UBAC2: variants seen among roughly 807,000 people sequenced by gnomAD.
UBAC2 encodes the protein ubiquitin-associated domain-containing protein 2.
Under a neutral mutation model 44.0 loss-of-function variants are expected in UBAC2, and 26 were observed. That is an observed-to-expected ratio of 0.59 (90% CI 0.43 to 0.82). UBAC2 has a LOEUF of 0.82. Ranked by LOEUF, UBAC2 falls within the 40% of genes least tolerant of loss-of-function variation. UBAC2 has a pLI of 0.00. For missense variants in UBAC2, 329 were observed against 419.4 expected (o/e 0.78, Z 1.88); for synonymous variants, 155 against 154.3 (o/e 1.00, Z -0.04).
At position 99,286,426 on chromosome 13, in the gene UBAC2, A is replaced by G. The variant is rs142113843; in HGVS notation, c.390-27671A>G. 6.8e-4 allele frequency among the ~76,000 whole-genome samples: 104 copies of G among 152,208 alleles called. 1 individual carries two copies. The highest frequency in any genetic ancestry group is 2.2e-3 in the African/African-American group (93 of 41,542). ...TTCATGTGGCTTTCTGGTATAACCT[A>G]TTCTTTGCTGGTGACTTTGTTACCA... On this transcript the variant is annotated intron_variant, in intron 4 of 8. Transcript: ENST00000403766.
rs1227746386 is a variant in UBAC2, at chr13:99,386,001, G to A, written c.*666G>A. The stretch of plus-strand genomic sequence containing the variant: ...TCCAGAGTTAGCCACTAGGCTGCGG[G>A]TGAAATGGGATGGAGAAGAACAACA... On this transcript the variant is annotated 3_prime_UTR_variant, in exon 9 of 9. Coordinates refer to ENST00000403766, the MANE Select transcript of UBAC2 (RefSeq NM_001144072.2). The A allele has an allele frequency of 6.6e-6, 1 of 152,586 alleles. No individual in the cohort carries two copies. Among genetic ancestry groups the A allele is most frequent in the Non-Finnish European group, 1.5e-5 (1 of 68,176 alleles). The allele number at this position is 152,586 out of a possible 1,614,324, so 9.5% of individuals were successfully genotyped here.
chr13:99,201,005 G>A (rs1474663820), intron 1 of UBAC2, 66 bp downstream of exon 1: 2 of 1,296,090 alleles, frequency 1.5e-6, no homozygotes, highest in East Asian at 5.8e-5. Flanking sequence ...CTTTGAGGAG[G>A]CTGGGGCAGC....
At chr13:99,226,427 C>G (rs1243702623) in intron 1 of UBAC2, among the ~76,000 whole-genome samples, 3 of 152,210 alleles carry the variant, frequency 2.0e-5, no homozygotes, top group African/African-American at 7.2e-5. Flanking sequence ...CACCTCCACC[C>G]TGCTGGTTTG....
At chr13:99,343,693 C>T (rs1454806126) in intron 7 of UBAC2, among the ~76,000 whole-genome samples, 2 of 152,200 alleles carry the variant, frequency 1.3e-5, no homozygotes, top group Non-Finnish European at 2.9e-5. Flanking sequence ...TTCTAGGGTC[C>T]GCACATGGGT....
chr13:99,275,051 A>G (rs184000534), intron 4 of UBAC2, among the ~76,000 whole-genome samples: 8 of 152,300 alleles, frequency 5.3e-5, no homozygotes, highest in African/African-American at 7.2e-5. Context: ...TGTTGCATAT[A>G]TGTATGCATT....
intron 1 of UBAC2, among the ~76,000 whole-genome samples, chr13:99,228,513 C>CA (rs933469998): frequency 1.3e-5 from 2 of 152,106 alleles, no homozygotes; most frequent in African/African-American, 2.4e-5. Flanking sequence ...AGGCTAGTCT[C>CA]AAACTCCTGA....
intron 6 of UBAC2, among the ~76,000 whole-genome samples, chr13:99,325,463 C>A (rs1313482875): frequency 1.3e-5 from 2 of 152,112 alleles, no homozygotes; most frequent in African/African-American, 4.8e-5. Flanking sequence ...CCAACTATAT[C>A]CCCTATTTCA....
At chr13:99,350,794 A>C (rs2045073159) in intron 7 of UBAC2, among the ~76,000 whole-genome samples, 1 of 152,254 alleles carries the variant, frequency 6.6e-6, no homozygotes, top group African/African-American at 2.4e-5. Context: ...GGCGATTGCC[A>C]TCTGAAGTAG....
intron 4 of UBAC2, chr13:99,255,960 G>T: frequency 1.6e-6 from 2 of 1,278,006 alleles, no homozygotes; most frequent in Non-Finnish European, 2.1e-6. Flanking sequence ...AAAAATAAAT[G>T]CTTAACATTC....
At chr13:99,215,009 T>C (rs1024850613) in intron 1 of UBAC2, among the ~76,000 whole-genome samples, 4 of 151,826 alleles carry the variant, frequency 2.6e-5, no homozygotes, top group African/African-American at 9.7e-5. Context: ...TCTTGGGGGA[T>C]ATGACCTTTA....
intron 4 of UBAC2, among the ~76,000 whole-genome samples, chr13:99,280,090 G>A (rs921682362): frequency 1.3e-5 from 2 of 152,116 alleles, no homozygotes; most frequent in South Asian, 2.1e-4. Flanking sequence ...TGTTCTCCCT[G>A]TCACCATCTC....
At chr13:99,373,853 A>G (rs2045443463) in intron 8 of UBAC2, among the ~76,000 whole-genome samples, 1 of 152,156 alleles carries the variant, frequency 6.6e-6, no homozygotes, top group African/African-American at 2.4e-5. Context: ...GATCTTACAC[A>G]AGAAACACCA....
intron 7 of UBAC2, among the ~76,000 whole-genome samples, chr13:99,361,604 C>CT (rs1183298778): frequency 1.3e-5 from 2 of 152,118 alleles, no homozygotes; most frequent in African/African-American, 4.8e-5. Context: ...GTTTCTCAAC[C>CT]TAAACACCAT....
At chr13:99,202,056 A>G (rs375174547) in intron 1 of UBAC2, among the ~76,000 whole-genome samples, 184 of 148,838 alleles carry the variant, frequency 1.2e-3, no homozygotes, top group African/African-American at 4.4e-3. Flanking sequence ...CTGGGCGACA[A>G]AGCGAGACTC....
At chr13:99,275,102 G>A (rs9517669) in intron 4 of UBAC2, among the ~76,000 whole-genome samples, 20,706 of 152,208 alleles carry the variant, frequency 0.14, 1,653 homozygotes, top group East Asian at 0.32. Context: ...CAGAATCATA[G>A]TGTATACATA....
chr13:99,341,609 A>G (rs2044889893), intron 7 of UBAC2, among the ~76,000 whole-genome samples: 1 of 152,172 alleles, frequency 6.6e-6, no homozygotes, highest in Non-Finnish European at 1.5e-5. Context: ...ATATATATAT[A>G]GGTGATGGAG....
At chr13:99,330,468 A>AAAAAAAG (rs1233828296) in intron 6 of UBAC2, among the ~76,000 whole-genome samples, 1 of 148,594 alleles carries the variant, frequency 6.7e-6, no homozygotes, top group African/African-American at 2.5e-5. Flanking sequence ...CAAAAAAAAA[A>AAAAAAAG]AAAAAAAAGA....
intron 8 of UBAC2, among the ~76,000 whole-genome samples, chr13:99,376,412 G>T (rs369486895): frequency 6.6e-6 from 1 of 152,136 alleles, no homozygotes; most frequent in Non-Finnish European, 1.5e-5. Flanking sequence ...CTCCAAGAGG[G>T]TCTTCATCCC....
chr13:99,322,585 G>A (rs1472759009), intron 6 of UBAC2, among the ~76,000 whole-genome samples: 3 of 152,138 alleles, frequency 2.0e-5, no homozygotes, highest in African/African-American at 7.2e-5. Flanking sequence ...CTTCAACGCA[G>A]CCCTTCACTG....
Sources: gnomAD v4.1 joint callset for allele counts (sites outside exome capture counted in the v4.1 genomes callset) on GRCh38, gnomAD v4.1.1 for gene constraint, MANE v1.5 for transcripts, NCBI Gene and HGNC (gene_info 2026-07-23, HGNC 2026-07-21) for gene names.